The following MEGF10 variants were observed in gnomAD, a reference collection of about 807,000 sequenced individuals.
The protein encoded by MEGF10 is multiple EGF like domains 10.
Under a neutral mutation model 147.5 loss-of-function variants are expected in MEGF10, and 86 were observed. That is an observed-to-expected ratio of 0.58 (90% CI 0.49 to 0.70). The LOEUF (loss-of-function observed/expected upper bound fraction) is 0.70, where lower values mean the gene tolerates loss of function less well. MEGF10 is among the 30% of genes least tolerant of loss of function. The pLI is 0.00. For synonymous variants in MEGF10, 478 were observed against 525.5 expected (o/e 0.91, Z 1.24); for missense variants, 1,329 against 1,487.3 (o/e 0.89, Z 1.75).
chr5:127,277,414 G>C, the MEGF10 span, among the ~76,000 whole-genome samples: 1 of 152,142 alleles, frequency 6.6e-6, no homozygotes, highest in African/African-American at 2.4e-5. Flanking sequence ...GCCGAATTCT[G>C]CTTTCCTCAC....
At chr5:127,246,925 C>A in the MEGF10 span, among the ~76,000 whole-genome samples, 35 of 130,406 alleles carry the variant, frequency 2.7e-4, no homozygotes, top group Non-Finnish European at 3.4e-4. Context: ...ATATATTATA[C>A]AATAATATAT....
intron 4 of MEGF10, among the ~76,000 whole-genome samples, chr5:127,360,865 T>C (rs1427510341): frequency 2.0e-5 from 3 of 146,712 alleles, no homozygotes; most frequent in Non-Finnish European, 4.5e-5. Flanking sequence ...TATGTGTGTG[T>C]ATATATATAT....
chr5:127,452,900 G>T (rs527273043), intron 22 of MEGF10, among the ~76,000 whole-genome samples: 109 of 152,242 alleles, frequency 7.2e-4, no homozygotes, highest in African/African-American at 2.6e-3. Flanking sequence ...TATGGGCTTG[G>T]TTAGACTCTT....
chr5:127,439,578 T>C (rs564969935), intron 17 of MEGF10, among the ~76,000 whole-genome samples: 4 of 152,236 alleles, frequency 2.6e-5, no homozygotes, highest in Non-Finnish European at 5.9e-5. Context: ...TATCTATAAA[T>C]ATTGTTTAAC....
intron 10 of MEGF10, among the ~76,000 whole-genome samples, chr5:127,418,491 A>G (rs1206238412): frequency 1.3e-5 from 2 of 152,214 alleles, no homozygotes; most frequent in East Asian, 3.8e-4. Context: ...AGCTGAGAGG[A>G]TCTTTAAAGG....
At chr5:127,326,048 T>A (rs1202713805) in intron 1 of MEGF10, among the ~76,000 whole-genome samples, 1 of 151,446 alleles carries the variant, frequency 6.6e-6, no homozygotes, top group Non-Finnish European at 1.5e-5. Context: ...TCTCAGTAGC[T>A]GGGACTACAG....
intron 8 of MEGF10, among the ~76,000 whole-genome samples, chr5:127,408,179 C>A (rs905423421): frequency 1.3e-5 from 2 of 152,160 alleles, no homozygotes; most frequent in Non-Finnish European, 2.9e-5. Context: ...AATTTGGTAA[C>A]AGATAATTTC....
At chr5:127,359,145 T>TC (rs1214055759) in intron 4 of MEGF10, among the ~76,000 whole-genome samples, 1 of 151,934 alleles carries the variant, frequency 6.6e-6, no homozygotes, top group Non-Finnish European at 1.5e-5. Context: ...TATTAGCAGT[T>TC]CCCCAAATAA....
chr5:127,405,108 C>CAATATT (rs34966103), intron 8 of MEGF10, among the ~76,000 whole-genome samples: 28,277 of 151,962 alleles, frequency 0.19, 2,913 homozygotes, highest in African/African-American at 0.28. Flanking sequence ...TGGAACTTAT[C>CAATATT]AGATTTTATT....
intron 4 of MEGF10, among the ~76,000 whole-genome samples, chr5:127,366,598 G>A (rs1432096594): frequency 6.6e-6 from 1 of 152,184 alleles, no homozygotes; most frequent in Admixed American, 6.5e-5. Context: ...AGGCAAATTT[G>A]TTTTCTGCTA....
chr5:127,233,176 G>A, the MEGF10 span, among the ~76,000 whole-genome samples: 129 of 152,282 alleles, frequency 8.5e-4, no homozygotes, highest in Non-Finnish European at 8.8e-5. Flanking sequence ...TCTTCACAAT[G>A]GAAGCCCTGT....
At chr5:127,430,489 C>A (rs1434618836) in intron 13 of MEGF10, among the ~76,000 whole-genome samples, 2 of 152,184 alleles carry the variant, frequency 1.3e-5, no homozygotes, top group Non-Finnish European at 2.9e-5. Flanking sequence ...CTTAGAGAAA[C>A]ACTTACCCAA....
chr5:127,448,459 A>G (rs1020758779), intron 21 of MEGF10, among the ~76,000 whole-genome samples: 3 of 152,116 alleles, frequency 2.0e-5, no homozygotes, highest in Non-Finnish European at 4.4e-5. Flanking sequence ...AGTCTCAAAC[A>G]TTTCTTTCTT....
At chr5:127,289,953 A>G (rs1386652801), upstream of MEGF10, among the ~76,000 whole-genome samples, 1 of 152,124 alleles carries the variant, frequency 6.6e-6, no homozygotes, top group Non-Finnish European at 1.5e-5. Flanking sequence ...GGGTCCTGTA[A>G]AAGCTGGAAA....
In MEGF10 at chr5:127,334,126, A is replaced by G. The variant is rs79180253; in HGVS notation, c.116+2702A>G. ...GAAGATAAATTAAAATGATCAAATA[A>G]AGGCACAGGTGACAGGTTCGTCTAG... is the stretch of plus-strand genomic sequence containing the variant. On this transcript the variant is annotated intron_variant, in intron 2 of 24. Transcript: ENST00000503335. Among the ~76,000 whole-genome samples, 976 of 152,250 alleles carry G rather than the reference A, an allele frequency of 6.4e-3. 12 individuals are homozygous for G. Among genetic ancestry groups the G allele is most frequent in the African/African-American group, 0.023 (939 of 41,564 alleles).
chr5:127,338,023 G>A (rs1213701571), intron 2 of MEGF10, among the ~76,000 whole-genome samples: 18 of 152,054 alleles, frequency 1.2e-4, no homozygotes, highest in Non-Finnish European at 1.0e-4. Flanking sequence ...GATACATAAT[G>A]ACTACCAGAG....
chr5:127,258,205 G>C, the MEGF10 span, among the ~76,000 whole-genome samples: 1 of 152,176 alleles, frequency 6.6e-6, no homozygotes, highest in Non-Finnish European at 1.5e-5. Context: ...TTGAGACCAA[G>C]TGACTTTTAT....
chr5:127,276,559 T>G, the MEGF10 span, among the ~76,000 whole-genome samples: 1 of 152,198 alleles, frequency 6.6e-6, no homozygotes, highest in African/African-American at 2.4e-5. Context: ...TTCAGAAGAC[T>G]GTGATGTTAA....
the MEGF10 span, among the ~76,000 whole-genome samples, chr5:127,239,518 TTATATA>T: frequency 5.5e-5 from 8 of 146,328 alleles, no homozygotes; most frequent in Admixed American, 4.8e-4. Flanking sequence ...TGTATATACT[TTATATA>T]TATATAAAGT....
Sources: allele counts gnomAD v4.1 joint callset (sites outside exome capture counted in the v4.1 genomes callset), GRCh38; gene constraint gnomAD v4.1.1; transcripts MANE v1.5; gene names NCBI Gene and HGNC (gene_info 2026-07-23, HGNC 2026-07-21).